Variants in CPXM2 observed in about 807,000 individuals in gnomAD.
CPXM2 encodes the protein carboxypeptidase X, M14 family member 2.
A neutral mutation model predicts 86.1 loss-of-function variants in CPXM2; 66 were observed. That is an observed-to-expected ratio of 0.77 (90% CI 0.63 to 0.94). CPXM2 has a LOEUF of 0.94. Among genes scored for constraint, CPXM2 ranks in the 40% least tolerant of loss-of-function variants. The pLI is 0.00. For missense variants in CPXM2, 948 were observed against 1,026.3 expected (o/e 0.92, Z 1.04); for synonymous variants, 388 against 400.2 (o/e 0.97, Z 0.36).
intron 4 of CPXM2, among the ~76,000 whole-genome samples, chr10:123,813,322 T>C (rs1426947406): frequency 6.6e-6 from 1 of 152,230 alleles, no homozygotes; most frequent in Admixed American, 6.5e-5. Flanking sequence ...TCATCAAGGA[T>C]GTGGTAATTC....
chr10:123,774,840 A>G (rs1013118624), intron 7 of CPXM2, among the ~76,000 whole-genome samples: 5 of 152,270 alleles, frequency 3.3e-5, no homozygotes, highest in Non-Finnish European at 7.3e-5. Context: ...ATCACCATGA[A>G]GACAGACACT....
intron 4 of CPXM2, among the ~76,000 whole-genome samples, chr10:123,822,389 C>T (rs1847945887): frequency 6.6e-6 from 1 of 152,112 alleles, no homozygotes; most frequent in Non-Finnish European, 1.5e-5. Flanking sequence ...TACAGTGAAT[C>T]CCAAAGCAAA....
intron 4 of CPXM2, among the ~76,000 whole-genome samples, chr10:123,825,285 A>G (rs1045469356): frequency 1.3e-5 from 2 of 152,152 alleles, no homozygotes; most frequent in African/African-American, 4.8e-5. Flanking sequence ...TATAAGGCCA[A>G]AGTCATCTTG....
At chr10:123,836,993 T>C (rs1383535787) in intron 4 of CPXM2, among the ~76,000 whole-genome samples, 2 of 152,138 alleles carry the variant, frequency 1.3e-5, no homozygotes, top group African/African-American at 4.8e-5. Flanking sequence ...CCCCACTAAC[T>C]TTCCCTCCAC....
intron 3 of CPXM2, among the ~76,000 whole-genome samples, chr10:123,853,080 G>A (rs373373618): frequency 6.6e-6 from 1 of 152,100 alleles, no homozygotes; most frequent in South Asian, 2.1e-4. Context: ...TTAGAACTGT[G>A]TTTGATAATG....
At chr10:123,795,870 T>G (rs1207409966) in intron 6 of CPXM2, among the ~76,000 whole-genome samples, 2 of 152,122 alleles carry the variant, frequency 1.3e-5, no homozygotes, top group Non-Finnish European at 2.9e-5. Context: ...AGGGAAGTAT[T>G]TATTTCATGA....
chr10:123,891,666 T>C lies in CPXM2; in HGVS notation c.-7A>G. The C allele has an allele frequency of 7.2e-7, 1 of 1,386,776 alleles. No homozygotes were observed. Among genetic ancestry groups the C allele is most frequent in the South Asian group, 1.7e-5 (1 of 59,584 alleles). The allele number at this position is 1,386,776 out of a possible 1,614,324, so 85.9% of individuals were successfully genotyped here. ...CGGTCCCCGGGCGGGACATGCCTGCTCCGCCCCGCGCCCAGGGCAGGGTCA... is the reference window on the plus strand; with the variant it reads ...CGGTCCCCGGGCGGGACATGCCTGCCCCGCCCCGCGCCCAGGGCAGGGTCA... On this transcript the variant is annotated 5_prime_UTR_variant, in exon 1 of 14. Coordinates refer to ENST00000241305, the MANE Select transcript of CPXM2 (RefSeq NM_198148.3). The surrounding 1 kb of genome is among the most constrained non-coding windows in gnomAD (Gnocchi z 5.6).
chr10:123,753,514 G>A (rs1338435334), intron 13 of CPXM2, among the ~76,000 whole-genome samples: 1 of 152,162 alleles, frequency 6.6e-6, no homozygotes. Flanking sequence ...CCCTCCTTGA[G>A]CTTCTGTTTT....
upstream of CPXM2, among the ~76,000 whole-genome samples, chr10:123,894,087 G>A (rs1945314387): frequency 6.6e-6 from 1 of 152,166 alleles, no homozygotes. Flanking sequence ...GGATCCTGAG[G>A]CCCAGATTTA....
intron 2 of CPXM2, among the ~76,000 whole-genome samples, chr10:123,928,014 T>G (rs116544761): frequency 9.3e-4 from 141 of 152,254 alleles, no homozygotes; most frequent in African/African-American, 3.2e-3. Context: ...TATTCATGAG[T>G]GTCAATGCCC....
intron 2 of CPXM2, among the ~76,000 whole-genome samples, chr10:123,877,019 T>C (rs1455397702): frequency 2.0e-5 from 3 of 152,222 alleles, no homozygotes; most frequent in African/African-American, 7.2e-5. Context: ...ACTTTGATGC[T>C]TGTCCAATTC....
At chr10:123,933,209 G>A (rs964812654) in intron 2 of CPXM2, among the ~76,000 whole-genome samples, 4 of 152,176 alleles carry the variant, frequency 2.6e-5, no homozygotes, top group African/African-American at 9.7e-5. Flanking sequence ...CAACCACAAT[G>A]CCATGTTGCA....
At chr10:123,888,662 T>C (rs1421058984) in intron 1 of CPXM2, among the ~76,000 whole-genome samples, 1 of 152,234 alleles carries the variant, frequency 6.6e-6, no homozygotes, top group African/African-American at 2.4e-5. Context: ...CTTAAACCAG[T>C]CTTCCCACTT....
intron 4 of CPXM2, among the ~76,000 whole-genome samples, chr10:123,841,080 T>C (rs1848376256): frequency 1.3e-5 from 2 of 152,190 alleles, no homozygotes; most frequent in Admixed American, 1.3e-4. Flanking sequence ...AGTTTCCTAA[T>C]GTTCACGCGT....
chr10:123,924,553 G>A lies in CPXM2; in HGVS notation n.174+14924C>T, dbSNP rs147283180. Among the ~76,000 whole-genome samples, 14 of 152,338 alleles carry A rather than the reference G, an allele frequency of 9.2e-5. No homozygotes were observed. The East Asian group carries it at 1.9e-3, about 21-fold the overall frequency. Reference sequence around the variant, plus strand: ...GTGGAGGAGTTTCTGTTCTCACGGAGGTGGGGTGCACCACCCTCCTGGCAC... The same window carrying A: ...GTGGAGGAGTTTCTGTTCTCACGGAAGTGGGGTGCACCACCCTCCTGGCAC... On this transcript the variant is annotated intron_variant and non_coding_transcript_variant, in intron 2 of 19. Transcript: ENST00000368854.
chr10:123,883,849 A>T (rs556697724), intron 1 of CPXM2, among the ~76,000 whole-genome samples: 17 of 152,288 alleles, frequency 1.1e-4, no homozygotes, highest in African/African-American at 4.1e-4. Flanking sequence ...AAGGCAGCAT[A>T]TGGTCCATGC....
chr10:123,751,415 T>A, intron 13 of CPXM2: 1 of 747,380 alleles, frequency 1.3e-6, no homozygotes, highest in Non-Finnish European at 1.6e-6. Flanking sequence ...CCTTCCGAAG[T>A]TTTGCAAAAC....
chr10:123,891,329 G>A lies in CPXM2; in HGVS notation c.304+27C>T. On this transcript the variant is annotated intron_variant, in intron 1 of 13. Coordinates refer to ENST00000241305, the MANE Select transcript of CPXM2 (RefSeq NM_198148.3). This position sits in a 1 kb window ranked among gnomAD's most constrained non-coding sequence, Gnocchi z 5.6. ...GCGCGCAACCACCGGCGCCCCCTCG[G>A]GCTGCCCAGCGCAGAAAGTTCCTTA... is the stretch of plus-strand genomic sequence containing the variant. The A allele has an allele frequency of 1.4e-6, 2 of 1,475,258 alleles. No individual in the cohort carries two copies. Among genetic ancestry groups the A allele is most frequent in the East Asian group, 5.2e-5 (2 of 38,554 alleles). 91.4% of individuals were successfully genotyped at this position (1,475,258 alleles called of 1,614,324 possible).
At chr10:123,907,202 C>T (rs985262748) in intron 2 of CPXM2, among the ~76,000 whole-genome samples, 3 of 152,190 alleles carry the variant, frequency 2.0e-5, no homozygotes, top group African/African-American at 4.8e-5. Flanking sequence ...ACACGATTTG[C>T]TAGTGTAATT....
Sources: gnomAD v4.1 joint callset for allele counts (sites outside exome capture counted in the v4.1 genomes callset) on GRCh38, gnomAD v4.1.1 for gene constraint, Gnocchi (gnomAD v3.1) non-coding constraint, MANE v1.5 for transcripts, NCBI Gene and HGNC (gene_info 2026-07-23, HGNC 2026-07-21) for gene names.